KDM6A: variants seen among roughly 807,000 people sequenced by gnomAD.
KDM6A encodes lysine demethylase 6A.
KDM6A carries 11 observed loss-of-function variants against 117.6 expected under a neutral mutation model. The ratio of observed to expected loss-of-function variants is 0.09; its 90% CI spans 0.06 to 0.15. KDM6A has a LOEUF of 0.15. KDM6A is among the 10% of genes least tolerant of loss of function. The probability of loss-of-function intolerance (pLI) is 1.00; values close to 1 mark genes in which losing one functional copy is unlikely to be tolerated. For synonymous variants in KDM6A, 384 were observed against 396.1 expected (o/e 0.97, Z 0.36); for missense variants, 799 against 1,077.3 (o/e 0.74, Z 3.62).
At chrX:45,064,010 T>C (rs1261357984) in intron 17 of KDM6A, among the ~76,000 whole-genome samples, 193 bp downstream of exon 17, 4 of 111,958 alleles carry the variant, frequency 3.6e-5, no homozygotes, top group Non-Finnish European at 7.5e-5. Context: ...GTACAGTCTC[T>C]ACCGACATAG....
chrX:44,993,587 TGCTGTTTTGAA>T (rs2040724422), intron 4 of KDM6A, among the ~76,000 whole-genome samples: 1 of 111,453 alleles, frequency 9.0e-6, no homozygotes, highest in African/African-American at 3.3e-5. Context: ...GCTCTTTTGA[TGCTGTTTTGAA>T]GCTGTTTTAT....
At chrX:45,051,156 C>T (rs1042138623) in intron 8 of KDM6A, among the ~76,000 whole-genome samples, 9 of 110,981 alleles carry the variant, frequency 8.1e-5, no homozygotes, top group Non-Finnish European at 1.1e-4. Context: ...ACTACATGTG[C>T]GCGCCACCAT....
chrX:44,910,671 G>A (rs1219008306), intron 2 of KDM6A, among the ~76,000 whole-genome samples: 1 of 109,031 alleles, frequency 9.2e-6, no homozygotes, highest in African/African-American at 3.4e-5. Context: ...TGTGTCCCTG[G>A]GTATTTGAGA....
intron 2 of KDM6A, among the ~76,000 whole-genome samples, chrX:44,888,746 A>G (rs1343113439): frequency 1.8e-5 from 2 of 111,761 alleles, no homozygotes; most frequent in East Asian, 5.6e-4. Context: ...TCTTTCTTAC[A>G]GTTGGGATTG....
chrX:45,068,473 T>A, intron 17 of KDM6A, among the ~76,000 whole-genome samples: 1 of 108,765 alleles, frequency 9.2e-6, no homozygotes, highest in East Asian at 2.9e-4. Flanking sequence ...TGTATTTTTC[T>A]AAGTTTTCAA....
chrX:45,061,453 A>G (rs771580528), intron 15 of KDM6A, 34 bp downstream of exon 15: 13 of 766,906 alleles, frequency 1.7e-5, no homozygotes, highest in Non-Finnish European at 2.6e-5. Context: ...TTGTTTATTA[A>G]AAAGGAGTAG....
At chrX:44,938,896 G>T (rs1307434500) in intron 2 of KDM6A, among the ~76,000 whole-genome samples, 1 of 112,256 alleles carries the variant, frequency 8.9e-6, no homozygotes, top group Non-Finnish European at 1.9e-5. Context: ...ACAAAGCCTG[G>T]ATTACAGCAC....
At chrX:44,919,833 C>G (rs2035798333) in intron 2 of KDM6A, among the ~76,000 whole-genome samples, 1 of 110,544 alleles carries the variant, frequency 9.0e-6, no homozygotes, top group Non-Finnish European at 1.9e-5. Flanking sequence ...TGGTCTTGAA[C>G]TCCTGACCTC....
At chrX:45,073,647 C>T (rs902247445) in intron 18 of KDM6A, among the ~76,000 whole-genome samples, 7 of 111,997 alleles carry the variant, frequency 6.3e-5, no homozygotes, top group African/African-American at 1.9e-4. Context: ...TTTTTTCATG[C>T]GTCTTTTGGC....
Position 45,051,849 on chromosome X carries a change from G to C in KDM6A, c.748+47G>C, listed in dbSNP as rs774233422. 1.1e-5 allele frequency: 8 copies of C among 744,789 alleles called. No individual in the cohort carries two copies. The South Asian group carries it at 1.4e-4, about 13-fold the overall frequency. The allele number at this position is 744,789 out of a possible 1,213,427, so 61.4% of individuals were successfully genotyped here. On this transcript the variant is annotated intron_variant, in intron 9 of 29. Transcript: ENST00000611820. Reference sequence around the variant, plus strand: ...GTGTATTATAAGTGCTTCTCTTTATGTTTTTTCCATGTCGAGTGTGGCAAA... The same window carrying C: ...GTGTATTATAAGTGCTTCTCTTTATCTTTTTTCCATGTCGAGTGTGGCAAA...
chrX:45,063,944 A>G (rs1172285120), intron 17 of KDM6A, 127 bp downstream of exon 17: 2 of 604,501 alleles, frequency 3.3e-6, no homozygotes, highest in African/African-American at 2.2e-5. Context: ...TGGCACTACA[A>G]TGTTACTACA....
intron 2 of KDM6A, among the ~76,000 whole-genome samples, chrX:44,960,010 T>C: frequency 8.9e-6 from 1 of 111,883 alleles, no homozygotes; most frequent in Non-Finnish European, 1.9e-5. Flanking sequence ...GTTGAATATT[T>C]ATGTGCTTAG....
chrX:44,941,990 G>C (rs1310636489), intron 2 of KDM6A, among the ~76,000 whole-genome samples: 2 of 109,531 alleles, frequency 1.8e-5, no homozygotes, highest in Non-Finnish European at 3.8e-5. Context: ...TTGAGGGGGT[G>C]GAATTCGAGC....
rs2030994136 is a variant in KDM6A, at chrX:44,873,220, G to A, written c.-332G>A. 1 of 273,235 alleles carries A rather than the reference G, an allele frequency of 3.7e-6. No homozygotes were observed. Among genetic ancestry groups the A allele is most frequent in the African/African-American group, 2.9e-5 (1 of 35,082 alleles). 22.5% of individuals were successfully genotyped at this position (273,235 alleles called of 1,213,427 possible). ...CTTTGTGCTGGTGCCGGGGAAGTTT[G>A]TGTCTCCAACGAATCCCCTCAGTGC... On this transcript the variant is annotated 5_prime_UTR_variant, in exon 1 of 30. In the 5' UTR this introduces an upstream ATG that the reference lacks. Transcript: ENST00000611820.
intron 2 of KDM6A, among the ~76,000 whole-genome samples, chrX:44,941,633 G>T (rs1044720292): frequency 9.2e-6 from 1 of 108,567 alleles, no homozygotes; most frequent in African/African-American, 3.4e-5. Flanking sequence ...GGTACCCGCC[G>T]CCACACCCGG....
rs2046759565 is a variant in KDM6A, at chrX:45,111,307, G to A, written c.4333-75G>A. 26 of 850,963 alleles carry A rather than the reference G, an allele frequency of 3.1e-5. No individual in the cohort carries two copies. The South Asian group carries it at 4.5e-4, about 15-fold the overall frequency. 70.1% of individuals were successfully genotyped at this position (850,963 alleles called of 1,213,427 possible). On this transcript the variant is annotated intron_variant, in intron 29 of 29. Coordinates refer to ENST00000611820, the MANE Select transcript of KDM6A (RefSeq NM_001291415.2). ...AGAGTTATTTCCCCTAACTTCACAAGCAGACTATATGTTTGTAGCCATGAG... is the reference window on the plus strand; with the variant it reads ...AGAGTTATTTCCCCTAACTTCACAAACAGACTATATGTTTGTAGCCATGAG...
intron 2 of KDM6A, among the ~76,000 whole-genome samples, chrX:44,874,321 AGT>A (rs2031240751): frequency 9.0e-6 from 1 of 111,158 alleles, no homozygotes; most frequent in Non-Finnish European, 1.9e-5. Context: ...AGGGATCGTG[AGT>A]GTGTTCAGAT....
intron 25 of KDM6A, among the ~76,000 whole-genome samples, chrX:45,087,155 T>C (rs931229224): frequency 3.6e-5 from 4 of 111,996 alleles, no homozygotes; most frequent in African/African-American, 1.3e-4. Context: ...CATGCCCTGC[T>C]AATTTGTGTA....
At chrX:45,100,966 A>G (rs2046319458) in intron 27 of KDM6A, among the ~76,000 whole-genome samples, 1 of 110,132 alleles carries the variant, frequency 9.1e-6, no homozygotes, top group African/African-American at 3.3e-5. Context: ...ATTAACAGGC[A>G]TGAGCCACCA....
Sources: allele counts gnomAD v4.1 joint callset (sites outside exome capture counted in the v4.1 genomes callset), GRCh38; gene constraint gnomAD v4.1.1; transcripts MANE v1.5; gene names NCBI Gene and HGNC (gene_info 2026-07-23, HGNC 2026-07-21).